MYO16: variants seen among roughly 807,000 people sequenced by gnomAD.
The protein encoded by MYO16 is myosin XVI.
Under a neutral mutation model 205.3 loss-of-function variants are expected in MYO16, and 94 were observed. The ratio of observed to expected loss-of-function variants is 0.46; its 90% CI spans 0.39 to 0.54. The LOEUF (loss-of-function observed/expected upper bound fraction) is 0.54. Among genes scored for constraint, MYO16 ranks in the 20% least tolerant of loss-of-function variants. The probability of loss-of-function intolerance (pLI) is 0.00; values close to 1 mark genes in which losing one functional copy is unlikely to be tolerated. For missense variants in MYO16, 2,315 were observed against 2,387.5 expected (o/e 0.97, Z 0.63); for synonymous variants, 988 against 954.0 (o/e 1.04, Z -0.66).
At chr13:108,892,133 A>T (rs184432791) in intron 14 of MYO16, among the ~76,000 whole-genome samples, 8 of 152,214 alleles carry the variant, frequency 5.3e-5, no homozygotes, top group Non-Finnish European at 1.2e-4. Context: ...AAAAGAATGC[A>T]TAATTAGTTT....
At chr13:108,964,020 G>C (rs1278403429) in intron 19 of MYO16, among the ~76,000 whole-genome samples, 1 of 150,274 alleles carries the variant, frequency 6.7e-6, no homozygotes, top group Non-Finnish European at 1.5e-5. Flanking sequence ...CTAACAGATT[G>C]GAAACACCTC....
intron 1 of MYO16, among the ~76,000 whole-genome samples, chr13:108,632,379 G>A (rs1269780921): frequency 6.6e-6 from 1 of 152,146 alleles, no homozygotes; most frequent in Non-Finnish European, 1.5e-5. Flanking sequence ...TTCCAGGGCA[G>A]GAGCAGGACC....
intron 32 of MYO16, chr13:109,164,069 GC>G (rs1351340936): frequency 1.3e-5 from 2 of 152,216 alleles, no homozygotes; most frequent in Non-Finnish European, 2.9e-5. Flanking sequence ...TCCTTAGGAA[GC>G]AAGAGCCAAT....
intron 1 of MYO16, among the ~76,000 whole-genome samples, chr13:108,644,364 CTAT>C: frequency 1.2e-4 from 1 of 8,526 alleles, no homozygotes; most frequent in Non-Finnish European, 5.9e-4. Context: ...GTCTGTCTGT[CTAT>C]CTATCTATCT....
At chr13:108,558,799 G>T in the MYO16 span, among the ~76,000 whole-genome samples, 3 of 152,178 alleles carry the variant, frequency 2.0e-5, no homozygotes, top group African/African-American at 7.2e-5. Flanking sequence ...ACTCTAGGCA[G>T]GTGTAATATC....
intron 20 of MYO16, among the ~76,000 whole-genome samples, chr13:108,980,493 T>C (rs1884415578): frequency 6.6e-6 from 1 of 152,182 alleles, no homozygotes; most frequent in South Asian, 2.1e-4. Context: ...TAAATAACAC[T>C]GCAGTGCCGT....
the MYO16 span, among the ~76,000 whole-genome samples, chr13:108,587,712 C>A: frequency 6.6e-6 from 1 of 151,728 alleles, no homozygotes. Context: ...CATATATAAC[C>A]AACATTTTTC....
At chr13:108,888,720 T>C (rs977551008) in intron 14 of MYO16, among the ~76,000 whole-genome samples, 5 of 152,224 alleles carry the variant, frequency 3.3e-5, no homozygotes, top group African/African-American at 9.6e-5. Context: ...TAGTTGGATC[T>C]AAAACACGTA....
intron 22 of MYO16, among the ~76,000 whole-genome samples, chr13:109,011,766 C>A (rs1347066437): frequency 6.6e-6 from 1 of 152,178 alleles, no homozygotes; most frequent in South Asian, 2.1e-4. Flanking sequence ...GCCTGCCTCA[C>A]CTCCCAAAGT....
rs1002096710 is a variant in MYO16, at chr13:108,728,664, T to C, written c.507+1081T>C. On this transcript the variant is annotated intron_variant, in intron 4 of 34. Transcript: ENST00000457511. Reference sequence around the variant, plus strand: ...CATGACTTTCTTCTGTGTCAGTGTGTCCAAATCTCTCATTCTTTCCTTTCA... The same window carrying C: ...CATGACTTTCTTCTGTGTCAGTGTGCCCAAATCTCTCATTCTTTCCTTTCA... Among the ~76,000 whole-genome samples the C allele has an allele frequency of 2.0e-5, 3 of 152,220 alleles. No homozygotes were observed. The South Asian group carries it at 6.2e-4, about 32-fold the overall frequency.
At chr13:109,006,104 C>T (rs561017636) in intron 21 of MYO16, among the ~76,000 whole-genome samples, 3 of 152,196 alleles carry the variant, frequency 2.0e-5, no homozygotes, top group African/African-American at 7.2e-5. Flanking sequence ...ATTAGCAGGA[C>T]CAGAACATCT....
At chr13:108,660,331 T>A (rs1881447501) in intron 1 of MYO16, among the ~76,000 whole-genome samples, 1 of 152,224 alleles carries the variant, frequency 6.6e-6, no homozygotes, top group Admixed American at 6.5e-5. Flanking sequence ...TGTTTCTTTG[T>A]TGACTTTCTG....
At chr13:108,546,179 G>A in the MYO16 span, among the ~76,000 whole-genome samples, 20 of 152,288 alleles carry the variant, frequency 1.3e-4, no homozygotes, top group African/African-American at 3.8e-4. Flanking sequence ...CAGGGGCTAC[G>A]TAGCACAGCC....
intron 23 of MYO16, among the ~76,000 whole-genome samples, chr13:109,023,403 A>ATATATTATACAGATATAAATATATAT: frequency 2.1e-5 from 1 of 46,854 alleles, no homozygotes; most frequent in Non-Finnish European, 4.0e-5. Context: ...ATATATATTT[A>ATATATTATACAGATATAAATATATAT]TATATTATAC....
chr13:108,892,901 A>G (rs1880239179), intron 14 of MYO16, among the ~76,000 whole-genome samples: 1 of 152,240 alleles, frequency 6.6e-6, no homozygotes, highest in Non-Finnish European at 1.5e-5. Context: ...GATCAGGTAG[A>G]TATAACCCTC....
chr13:109,008,714 A>G (rs1437357962), intron 21 of MYO16, among the ~76,000 whole-genome samples, 183 bp from the exon 22 acceptor site: 5 of 147,764 alleles, frequency 3.4e-5, no homozygotes, highest in Admixed American at 1.3e-4. Flanking sequence ...TATCTTGTGT[A>G]TGCACTACTG....
At chr13:109,204,697 C>G (rs1401446276) in intron 34 of MYO16, among the ~76,000 whole-genome samples, 1 of 152,206 alleles carries the variant, frequency 6.6e-6, no homozygotes, top group Non-Finnish European at 1.5e-5. Context: ...ATGATGCGAA[C>G]AAATGGAAAC....
intron 32 of MYO16, among the ~76,000 whole-genome samples, chr13:109,155,727 T>A (rs1407716755): frequency 3.9e-5 from 6 of 152,178 alleles, no homozygotes; most frequent in Non-Finnish European, 8.8e-5. Flanking sequence ...CAAAAGGCAA[T>A]TAGAATTGTG....
Position 108,855,423 on chromosome 13 carries a change from T to C in MYO16, c.1249-20T>C, listed in dbSNP as rs747336425. On this transcript the variant is annotated intron_variant, in intron 10 of 34. Coordinates refer to ENST00000457511, the MANE Select transcript of MYO16 (RefSeq NM_001198950.3). ...ATTGGAAAGCAATTAGAATTGATCA[T>C]ACTTTCGGTTCTTCCCCAGGTCAAG... 4 of 1,468,068 alleles carry C rather than the reference T, an allele frequency of 2.7e-6. No individual in the cohort carries two copies. Among genetic ancestry groups the C allele is most frequent in the Non-Finnish European group, 3.8e-6 (4 of 1,066,276 alleles). The allele number at this position is 1,468,068 out of a possible 1,614,324, so 90.9% of individuals were successfully genotyped here. A position where few individuals can be genotyped will look rare whatever the true frequency, so the allele number is the denominator to read the frequency against.
Sources: gnomAD v4.1 joint callset for allele counts (sites outside exome capture counted in the v4.1 genomes callset) on GRCh38, gnomAD v4.1.1 for gene constraint, MANE v1.5 for transcripts, NCBI Gene and HGNC (gene_info 2026-07-23, HGNC 2026-07-21) for gene names.